The following DMBT1 variants were observed in gnomAD, a reference collection of about 807,000 sequenced individuals.
The protein encoded by DMBT1 is scavenger receptor cysteine-rich domain-containing protein DMBT1.
DMBT1 carries 198 observed loss-of-function variants against 252.9 expected under a neutral mutation model. That is an observed-to-expected ratio of 0.78 (90% CI 0.70 to 0.88). The LOEUF (loss-of-function observed/expected upper bound fraction) is 0.88. DMBT1 is among the 40% of genes least tolerant of loss of function. The probability of loss-of-function intolerance (pLI) is 0.00; values close to 1 mark genes in which losing one functional copy is unlikely to be tolerated. For missense variants in DMBT1, 2,432 were observed against 2,404.7 expected (o/e 1.01, Z -0.24); for synonymous variants, 990 against 942.7 (o/e 1.05, Z -0.92).
intron 4 of DMBT1, 43 bp downstream of exon 4, chr10:122,570,980 C>T (rs371842071): frequency 4.4e-6 from 7 of 1,594,754 alleles, no homozygotes; most frequent in African/African-American, 2.7e-5. Context: ...CATTACCCCA[C>T]TGCACCCCTA....
In DMBT1 at chr10:122,643,634, G is replaced by A. The variant is rs962325757; in HGVS notation, c.*236G>A. ...GACCTGGATGGCCCATAGACCTGAC[G>A]TCCCAGAATCCATGCTTCTCATCTG... On this transcript the variant is annotated 3_prime_UTR_variant, in exon 56 of 56. Transcript: ENST00000338354. 7.0e-6 allele frequency: 4 copies of A among 572,766 alleles called. No homozygotes were observed. The highest frequency in any genetic ancestry group is 9.2e-6 in the Non-Finnish European group (3 of 326,068). 35.5% of individuals were successfully genotyped at this position (572,766 alleles called of 1,614,324 possible). A position where few individuals can be genotyped will look rare whatever the true frequency, so the allele number is the denominator to read the frequency against.
At chr10:122,572,216 G>A in intron 4 of DMBT1, 98 bp from the exon 5 acceptor site, 1 of 1,538,618 alleles carries the variant, frequency 6.5e-7, no homozygotes, top group South Asian at 1.1e-5. Flanking sequence ...TTTAGGACCT[G>A]TGTTTCCAGC....
intron 25 of DMBT1, among the ~76,000 whole-genome samples, chr10:122,598,478 G>A (rs936061928): frequency 2.6e-5 from 4 of 152,180 alleles, no homozygotes; most frequent in African/African-American, 9.6e-5. Flanking sequence ...GCCTACTGTA[G>A]CTGTGTAGCT....
At chr10:122,570,323 T>C (rs2097649750) in intron 3 of DMBT1, 114 bp downstream of exon 3, 3 of 934,830 alleles carry the variant, frequency 3.2e-6, no homozygotes, top group Non-Finnish European at 5.1e-6. Context: ...TGGCATTCAG[T>C]GTTTGGGCTG....
intron 15 of DMBT1, 77 bp from the exon 16 acceptor site, chr10:122,585,983 G>A (rs2097786008): frequency 6.3e-7 from 1 of 1,578,540 alleles, no homozygotes; most frequent in Non-Finnish European, 8.6e-7. Context: ...ATTAGGACGT[G>A]CCTTGAGTGT....
Position 122,592,455 on chromosome 10 carries a change from G to T in DMBT1, c.2360G>T (p.Arg787Leu). Residue 787 changes from arginine (R) to leucine (L), a missense_variant, in exon 20 of 56, where the codon CGG (arginine) becomes CTG (leucine). By Grantham distance (102) the Arg-to-Leu change is moderately radical. Coordinates refer to ENST00000338354, the MANE Select transcript of DMBT1 (RefSeq NM_001377530.1). ...GCCACGTCGGCCCCAGGAAATGCCC[G>T]GTTTGGCCAGGGCTCAGGACCCATT... ...GWATSAPGNA[R>L]FGQGSGPIVL... The T allele has an allele frequency of 6.3e-7, 1 of 1,588,220 alleles. No individual in the cohort carries two copies. Among genetic ancestry groups the T allele is most frequent in the South Asian group, 1.2e-5 (1 of 86,904 alleles).
rs557664674 is a variant in DMBT1 at position 122,563,113 on chromosome 10, C to T, written c.61+2282C>T. Among the ~76,000 whole-genome samples the T allele has an allele frequency of 3.3e-5, 5 of 152,350 alleles. No homozygotes were observed. The South Asian group carries it at 1.0e-3, about 32-fold the overall frequency. Reference sequence around the variant, plus strand: ...TACCGAGGTGGCAGGCACCTGTCAGCTCTGGTCTTCATGCAAACTCTTGAG... The same window carrying T: ...TACCGAGGTGGCAGGCACCTGTCAGTTCTGGTCTTCATGCAAACTCTTGAG... On this transcript the variant is annotated intron_variant, in intron 1 of 55. Coordinates refer to ENST00000338354, the MANE Select transcript of DMBT1 (RefSeq NM_001377530.1).
chr10:122,568,911 T>C (rs2097631344), intron 2 of DMBT1, among the ~76,000 whole-genome samples: 1 of 152,218 alleles, frequency 6.6e-6, no homozygotes, highest in Admixed American at 6.5e-5. Flanking sequence ...GCTCAGGTAG[T>C]GTGGATATCA....
Position 122,586,652 on chromosome 10 carries a change from C to T in DMBT1, c.1783+269C>T, listed in dbSNP as rs537995978. 2.7e-5 allele frequency among the ~76,000 whole-genome samples: 4 copies of T among 148,236 alleles called. 1 individual carries two copies. The highest frequency in any genetic ancestry group is 2.0e-4 in the Admixed American group (3 of 14,904). On this transcript the variant is annotated intron_variant, in intron 16 of 55. Coordinates refer to ENST00000338354, the MANE Select transcript of DMBT1 (RefSeq NM_001377530.1). The stretch of plus-strand genomic sequence containing the variant: ...AAGCAGAGGGAGAAGACGAAAGCGC[C>T]GGGTCTTTGCCTTTTAGTGTGGCTG...
chr10:122,585,144 G>A lies in DMBT1; in HGVS notation c.1421-127G>A, dbSNP rs971387938. 4 of 1,270,874 alleles carry A rather than the reference G, an allele frequency of 3.1e-6. No homozygotes were observed. The Admixed American group carries it at 7.0e-5, about 22-fold the overall frequency. The allele number at this position is 1,270,874 out of a possible 1,614,324, so 78.7% of individuals were successfully genotyped here. ...AGCTGCAGACTTGGGCAGACACATG[G>A]GGAGCAAAGTGGCAGGAATCAGAAG... On this transcript the variant is annotated intron_variant, in intron 14 of 55. Coordinates refer to ENST00000338354, the MANE Select transcript of DMBT1 (RefSeq NM_001377530.1).
intron 49 of DMBT1, 116 bp from the exon 50 acceptor site, chr10:122,631,739 G>A: frequency 9.1e-7 from 1 of 1,096,194 alleles, no homozygotes; most frequent in Non-Finnish European, 1.4e-6. Flanking sequence ...TGGACCTGGG[G>A]ACCCTCGCCG....
Position 122,585,281 on chromosome 10 carries a change from G to C in DMBT1, c.1431G>C (p.Pro477=). The stretch of plus-strand genomic sequence containing the variant: ...CTGTTGCAATTACAGACACGTTGCC[G>C]ACCATCACCTTACCTGCATCGACAG... The part of the protein sequence containing the change: ...SWSTPSPDTL[P]TITLPASTVG... The change falls in exon 15 of 56, where the codon CCG becomes CCC. Residue 477 remains proline (P), a synonymous_variant. Coordinates refer to ENST00000338354, the MANE Select transcript of DMBT1 (RefSeq NM_001377530.1). The C allele has an allele frequency of 1.9e-6, 3 of 1,586,724 alleles. No individual in the cohort carries two copies. Among genetic ancestry groups the C allele is most frequent in the Non-Finnish European group, 2.6e-6 (3 of 1,164,512 alleles).
rs1483049297 is a variant in DMBT1 at position 122,570,055 on chromosome 10, C to T, written c.92-107C>T. 11 of 1,034,714 alleles carry T rather than the reference C, an allele frequency of 1.1e-5. No homozygotes were observed. In the Admixed American group the frequency reaches 1.2e-4, roughly 11 times the overall value. The allele number at this position is 1,034,714 out of a possible 1,614,324, so 64.1% of individuals were successfully genotyped here. On this transcript the variant is annotated intron_variant, in intron 2 of 55. Coordinates refer to ENST00000338354, the MANE Select transcript of DMBT1 (RefSeq NM_001377530.1). ...GTTGGCTTTTAGCAATGGAGGGTGC[C>T]CTTAGGCCCTGGCTTCCAGTTCTTG...
In DMBT1 at chr10:122,590,691, C is replaced by T; in HGVS notation, c.2134C>T (p.Pro712Ser). ...SAAQSRSTPR[P>S]DTLSTITLPP... The stretch of plus-strand genomic sequence containing the variant: ...TGCCCAGTCCCGGTCGACGCCCAGG[C>T]CAGGTGAGTCCCCAGTGTCCTTCCT... Residue 712 changes from proline to serine, a missense_variant, in exon 18 of 56, where the codon CCA becomes TCA. Coordinates refer to ENST00000338354, the MANE Select transcript of DMBT1 (RefSeq NM_001377530.1). 1 of 1,587,668 alleles carries T rather than the reference C, an allele frequency of 6.3e-7. No homozygotes were observed. Among genetic ancestry groups the T allele is most frequent in the Non-Finnish European group, 8.6e-7 (1 of 1,165,184 alleles).
intron 6 of DMBT1, among the ~76,000 whole-genome samples, chr10:122,575,397 T>C (rs1466978209): frequency 6.6e-6 from 1 of 152,222 alleles, no homozygotes; most frequent in African/African-American, 2.4e-5. Flanking sequence ...GTTTCTTGAC[T>C]TTCCCAAATT....
intron 54 of DMBT1, among the ~76,000 whole-genome samples, chr10:122,637,892 C>T (rs1843757654): frequency 6.6e-6 from 1 of 152,150 alleles, no homozygotes; most frequent in Non-Finnish European, 1.5e-5. Context: ...TGGCCCCCTG[C>T]ATCCAATTTT....
rs770948119 is a variant in DMBT1, at chr10:122,591,493, A to G, written c.2152A>G (p.Ile718Val). ...STPRPDTLSTITLPPSTVGSE... is the reference protein window; with the variant it reads ...STPRPDTLSTVTLPPSTVGSE... ...GCAATTTACAGACACGTTGTCGACC[A>G]TCACGTTACCTCCATCGACAGTAGG... is the stretch of plus-strand genomic sequence containing the variant. The change falls in exon 19 of 56, where the codon ATC becomes GTC. Residue 718 changes from isoleucine to valine, a missense_variant. Physicochemically the swap from Ile to Val is conservative, Grantham distance 29 (BLOSUM62 3). Around this residue, in one of 3 missense-constraint regions of DMBT1, gnomAD observed 1,264 missense variants for 1,082.2 expected, o/e 1.17. Coordinates refer to ENST00000338354, the MANE Select transcript of DMBT1 (RefSeq NM_001377530.1). 1 of 1,587,750 alleles carries G rather than the reference A, an allele frequency of 6.3e-7. No individual in the cohort carries two copies. Among genetic ancestry groups the G allele is most frequent in the Admixed American group, 1.7e-5 (1 of 59,528 alleles).
chr10:122,588,956 G>T lies in DMBT1; in HGVS notation c.1796G>T (p.Ser599Ile). Reference protein sequence around the residue: ...AGVICSGPESSLALRLVNGGD... With the variant: ...AGVICSGPESILALRLVNGGD... ...TGTTCTCCTATAGGACCTGAATCCAGTTTGGCCCTGAGGCTGGTGAATGGA... is the reference window on the plus strand; with the variant it reads ...TGTTCTCCTATAGGACCTGAATCCATTTTGGCCCTGAGGCTGGTGAATGGA... The change falls in exon 17 of 56, where the codon AGT becomes ATT. Residue 599 changes from serine to isoleucine, a missense_variant. Transcript: ENST00000338354. 1 of 1,588,176 alleles carries T rather than the reference G, an allele frequency of 6.3e-7. No homozygotes were observed.
At chr10:122,572,092 T>C (rs2133528298) in intron 4 of DMBT1, among the ~76,000 whole-genome samples, 1 of 151,974 alleles carries the variant, frequency 6.6e-6, no homozygotes, top group Non-Finnish European at 1.5e-5. Context: ...GCAGAAGAGG[T>C]TGGGGGAGGG....
Sources: allele counts gnomAD v4.1 joint callset (sites outside exome capture counted in the v4.1 genomes callset), GRCh38; gene constraint gnomAD v4.1.1; regional missense constraint gnomAD v4.1.1; transcripts MANE v1.5; gene names NCBI Gene and HGNC (gene_info 2026-07-23, HGNC 2026-07-21).